KCNQ5: variants seen among roughly 807,000 people sequenced by gnomAD.
The protein encoded by KCNQ5 is potassium voltage-gated channel subfamily KQT member 5.
A neutral mutation model predicts 98.2 loss-of-function variants in KCNQ5; 30 were observed. The observed-to-expected ratio is 0.31, with a 90% CI of 0.23 to 0.41. The LOEUF is 0.41. Ranked by LOEUF, KCNQ5 falls within the 10% of genes least tolerant of loss-of-function variation. KCNQ5 has a pLI of 1.00. For missense variants in KCNQ5, 835 were observed against 1,182.5 expected, an observed-to-expected ratio of 0.71 and a Z score of 4.31; for synonymous variants, 458 against 449.4, an observed-to-expected ratio of 1.02 and a Z score of -0.24.
At chr6:73,009,555 A>T (rs1769969005) in intron 2 of KCNQ5, among the ~76,000 whole-genome samples, 1 of 152,200 alleles carries the variant, frequency 6.6e-6, no homozygotes, top group African/African-American at 2.4e-5. Context: ...TGAAATAAAG[A>T]CTAGAAAAAC....
At chr6:73,148,284 T>TA (rs1327783444) in intron 10 of KCNQ5, among the ~76,000 whole-genome samples, 1 of 152,228 alleles carries the variant, frequency 6.6e-6, no homozygotes, top group Non-Finnish European at 1.5e-5. Flanking sequence ...GAGAGAATCT[T>TA]AGAGACATTC....
At chr6:72,797,045 C>A (rs1774376819) in intron 1 of KCNQ5, among the ~76,000 whole-genome samples, 1 of 152,152 alleles carries the variant, frequency 6.6e-6, no homozygotes, top group Non-Finnish European at 1.5e-5. Flanking sequence ...ATTCTGATTT[C>A]TTTTAGGACA....
intron 1 of KCNQ5, chr6:72,987,829 T>G: frequency 2.8e-6 from 1 of 362,698 alleles, no homozygotes; most frequent in Non-Finnish European, 5.2e-6. Context: ...AAGTTTTTTT[T>G]GGTGAAAAAT....
chr6:72,773,391 G>A (rs1487215357), intron 1 of KCNQ5, among the ~76,000 whole-genome samples: 1 of 152,094 alleles, frequency 6.6e-6, no homozygotes, highest in Admixed American at 6.6e-5. Flanking sequence ...TCATATGTGG[G>A]AGTTGAGCGA....
chr6:73,010,661 A>T (rs1770025942), intron 2 of KCNQ5, among the ~76,000 whole-genome samples: 2 of 151,772 alleles, frequency 1.3e-5, no homozygotes, highest in South Asian at 4.1e-4. Flanking sequence ...AAAAGACTGT[A>T]AGAAATAATA....
chr6:73,153,189 GC>G (rs1654613797), intron 10 of KCNQ5, among the ~76,000 whole-genome samples: 1 of 152,076 alleles, frequency 6.6e-6, no homozygotes, highest in South Asian at 2.1e-4. Context: ...GTTGTTCTTA[GC>G]TTTTCTCAGT....
chr6:72,893,224 T>C (rs570681053), intron 1 of KCNQ5, among the ~76,000 whole-genome samples: 2 of 152,170 alleles, frequency 1.3e-5, no homozygotes, highest in East Asian at 1.9e-4. Flanking sequence ...GGAGCAGCCA[T>C]AGATACACTG....
intron 1 of KCNQ5, among the ~76,000 whole-genome samples, chr6:72,721,531 A>G (rs557423613): frequency 1.8e-4 from 28 of 152,216 alleles, no homozygotes; most frequent in Non-Finnish European, 3.4e-4. Context: ...GACTTAGACC[A>G]CTTGCATCAG....
chr6:72,851,569 T>G (rs1777259366), intron 1 of KCNQ5, among the ~76,000 whole-genome samples: 1 of 152,116 alleles, frequency 6.6e-6, no homozygotes, highest in African/African-American at 2.4e-5. Flanking sequence ...GATCATTTTC[T>G]GAAGAAGGCA....
At chr6:73,024,562 TA>T (rs1412061279) in intron 2 of KCNQ5, among the ~76,000 whole-genome samples, 1 of 152,194 alleles carries the variant, frequency 6.6e-6, no homozygotes, top group African/African-American at 2.4e-5. Flanking sequence ...CTTGACTCAG[TA>T]ATCTTCAGAA....
At chr6:73,033,884 C>A (rs559134103) in intron 2 of KCNQ5, among the ~76,000 whole-genome samples, 4 of 152,326 alleles carry the variant, frequency 2.6e-5, no homozygotes, top group African/African-American at 9.6e-5. Context: ...CCCTCAAATT[C>A]TCTTCCAATA....
chr6:73,111,798 T>C (rs1177735167), intron 7 of KCNQ5, among the ~76,000 whole-genome samples: 1 of 152,220 alleles, frequency 6.6e-6, no homozygotes, highest in South Asian at 2.1e-4. Context: ...TCCAGCCAGA[T>C]GTATGTTGCT....
intron 1 of KCNQ5, among the ~76,000 whole-genome samples, chr6:72,627,919 C>T (rs1565041084): frequency 1.3e-5 from 2 of 152,186 alleles, no homozygotes; most frequent in African/African-American, 2.4e-5. Flanking sequence ...CAGTTCCCTT[C>T]CCTCTGCCAG....
intron 1 of KCNQ5, among the ~76,000 whole-genome samples, chr6:72,815,097 G>A (rs1031808179): frequency 6.6e-6 from 1 of 152,092 alleles, no homozygotes; most frequent in Non-Finnish European, 1.5e-5. Context: ...CTATATGAAT[G>A]TATGGAGTTC....
intron 11 of KCNQ5, among the ~76,000 whole-genome samples, chr6:73,188,502 G>A (rs12661261): frequency 0.028 from 4,302 of 152,236 alleles, 87 homozygotes; most frequent in East Asian, 0.067. Flanking sequence ...TGTTAGATTA[G>A]CTCTTCTGGT....
chr6:73,150,800 A>G (rs1217383419), intron 10 of KCNQ5, among the ~76,000 whole-genome samples: 1 of 142,594 alleles, frequency 7.0e-6, no homozygotes. Flanking sequence ...TACTGTATAC[A>G]TTAATGTAGT....
chr6:73,104,038 T>A (rs1774904831), intron 5 of KCNQ5, among the ~76,000 whole-genome samples: 1 of 151,978 alleles, frequency 6.6e-6, no homozygotes. Context: ...TTAGTTTGAT[T>A]TAAAAAAAAC....
At chr6:72,827,010 C>T (rs749380551) in intron 1 of KCNQ5, among the ~76,000 whole-genome samples, 5 of 152,114 alleles carry the variant, frequency 3.3e-5, no homozygotes, top group East Asian at 1.9e-4. Flanking sequence ...TTTCACATAA[C>T]GTAATGTCCT....
intron 10 of KCNQ5, chr6:73,134,054 C>T: frequency 2.2e-6 from 1 of 464,578 alleles, no homozygotes; most frequent in Non-Finnish European, 4.4e-6. Context: ...GGAGGATGAT[C>T]ATTTCTGGTC....
Sources: gnomAD v4.1 joint callset for allele counts (sites outside exome capture counted in the v4.1 genomes callset) on GRCh38, gnomAD v4.1.1 for gene constraint, MANE v1.5 for transcripts, NCBI Gene and HGNC (gene_info 2026-07-23, HGNC 2026-07-21) for gene names.